USP28: variants seen among roughly 807,000 people sequenced by gnomAD.
USP28 encodes the protein ubiquitin specific peptidase 28.
In USP28, 113 loss-of-function variants were observed where a neutral mutation model predicts 145.0. The observed-to-expected ratio is 0.78, with a 90% CI of 0.67 to 0.91. The LOEUF (loss-of-function observed/expected upper bound fraction) is 0.91. Ranked by LOEUF, USP28 falls within the 40% of genes least tolerant of loss-of-function variation. The pLI, the probability that USP28 is intolerant of heterozygous loss-of-function variation, is 0.00. For synonymous variants in USP28, 447 were observed against 450.9 expected, an observed-to-expected ratio of 0.99 and a Z score of 0.11; for missense variants, 1,201 against 1,289.6, an observed-to-expected ratio of 0.93 and a Z score of 1.05.
At chr11:113,799,297 G>T in exon 25 of USP28, 1 of 1,614,092 alleles carries the variant, frequency 6.2e-7, no homozygotes, top group Non-Finnish European at 8.5e-7. Context: ...CTGCAAATCG[G>T]CTACATAGGT....
At chr11:113,874,697 C>T (rs1949196147) in intron 1 of USP28, 5 of 1,212,910 alleles carry the variant, frequency 4.1e-6, no homozygotes, top group Admixed American at 3.2e-5. Context: ...CTCAAATTGC[C>T]CTCTTCCCAA....
exon 5 of USP28, chr11:113,840,710 C>T (rs778616733): frequency 3.1e-6 from 5 of 1,614,080 alleles, no homozygotes; most frequent in East Asian, 2.2e-5. Context: ...GACTTCACAG[C>T]GTTTTCTCTT....
chr11:113,799,639 G>T (rs1009185218), intron 24 of USP28, among the ~76,000 whole-genome samples: 1 of 152,112 alleles, frequency 6.6e-6, no homozygotes, highest in Non-Finnish European at 1.5e-5. Context: ...TATTACGAAA[G>T]GGTCTTCTAA....
At chr11:113,843,470 G>A (rs1401957083) in intron 3 of USP28, among the ~76,000 whole-genome samples, 3 of 151,906 alleles carry the variant, frequency 2.0e-5, no homozygotes, top group Admixed American at 6.6e-5. Context: ...TTGGGAGTTC[G>A]AGATCAGCCT....
chr11:113,821,290 C>A, intron 12 of USP28: 1 of 223,986 alleles, frequency 4.5e-6, no homozygotes. Flanking sequence ...AGCACATCTC[C>A]GCTGTAGCTG....
At chr11:113,873,552 TA>T (rs1949032151) in intron 1 of USP28, among the ~76,000 whole-genome samples, 1 of 152,188 alleles carries the variant, frequency 6.6e-6, no homozygotes, top group Non-Finnish European at 1.5e-5. Context: ...TGCCACTGAT[TA>T]ATAGGCACAT....
At chr11:113,801,890 A>C (rs1294060627) in intron 23 of USP28, among the ~76,000 whole-genome samples, 5 of 152,236 alleles carry the variant, frequency 3.3e-5, no homozygotes, top group African/African-American at 1.2e-4. Context: ...GAAAGCTCCC[A>C]AAGTGATTCT....
At chr11:113,854,415 A>G (rs773026517) in intron 1 of USP28, 80 bp from the exon 2 acceptor site, 1 of 1,384,828 alleles carries the variant, frequency 7.2e-7, no homozygotes, top group Non-Finnish European at 1.0e-6. Flanking sequence ...AACTAAAAGC[A>G]TCTTGGATAA....
rs113588303 is a variant in USP28, at chr11:113,809,820, G to A, written c.1973-566C>T. Among the ~76,000 whole-genome samples the A allele has an allele frequency of 7.9e-3, 1,209 of 152,204 alleles. 18 individuals carry two copies. The highest frequency in any genetic ancestry group is 0.028 in the African/African-American group (1,168 of 41,536). ...GGCCAAGGCAGGCCAATCACTTGAG[G>A]TAGGAGTTCAAGACCAGCCTGGCCA... On this transcript the variant is annotated intron_variant, in intron 16 of 24. Transcript: ENST00000003302.
At chr11:113,827,343 T>C (rs1943494236) in exon 11 of USP28, 4 of 1,601,770 alleles carry the variant, frequency 2.5e-6, no homozygotes, top group Admixed American at 3.5e-5. Flanking sequence ...ACACTGGAGG[T>C]AGCTTTGTAA....
At chr11:113,815,330 C>T (rs1018816342) in exon 14 of USP28, 6 of 1,614,010 alleles carry the variant, frequency 3.7e-6, no homozygotes, top group Non-Finnish European at 5.1e-6. Flanking sequence ...AAAGAATCTT[C>T]AGGAGAAGAA....
chr11:113,860,995 G>C lies in USP28; in HGVS notation c.58-6660C>G, dbSNP rs1312625551. ...TAGATGGGCGAGGTGGCAGGCACCG[G>C]TAGTCCCAGCTACTCGGGAGGCTGA... On this transcript the variant is annotated intron_variant, in intron 1 of 24. Transcript: ENST00000003302. 2.0e-5 allele frequency among the ~76,000 whole-genome samples: 3 copies of C among 151,896 alleles called. No homozygotes were observed. In the East Asian group the frequency reaches 5.8e-4, roughly 29 times the overall value.
At chr11:113,861,420 TGTTTGA>T (rs1394153367) in intron 1 of USP28, among the ~76,000 whole-genome samples, 1 of 152,248 alleles carries the variant, frequency 6.6e-6, no homozygotes, top group African/African-American at 2.4e-5. Context: ...TGAAAATGCC[TGTTTGA>T]GTTTATTAAC....
Position 113,846,253 on chromosome 11 carries a change from T to C in USP28, c.269-4485A>G, listed in dbSNP as rs139233728. ...GATGGTGGTGACAGTTGCACAACAA[T>C]ATGAATTTATTTAATATTTCTGAAC... On this transcript the variant is annotated intron_variant, in intron 3 of 24. Coordinates refer to ENST00000003302, the Ensembl canonical transcript of USP28. Among the ~76,000 whole-genome samples, 432 of 152,306 alleles carry C rather than the reference T, an allele frequency of 2.8e-3. 3 individuals are homozygous for C. The highest frequency in any genetic ancestry group is 0.01 in the African/African-American group (418 of 41,572).
intron 12 of USP28, among the ~76,000 whole-genome samples, chr11:113,823,195 G>C (rs1942875540): frequency 6.6e-6 from 1 of 152,200 alleles, no homozygotes; most frequent in African/African-American, 2.4e-5. Context: ...AGTTAGCACT[G>C]CTCTAGGTAG....
At chr11:113,871,741 C>T (rs935298863) in intron 1 of USP28, among the ~76,000 whole-genome samples, 1 of 152,078 alleles carries the variant, frequency 6.6e-6, no homozygotes, top group Non-Finnish European at 1.5e-5. Flanking sequence ...TAGACATCAG[C>T]GAGCTCAGTC....
At chr11:113,826,140 G>A (rs553203300) in intron 11 of USP28, among the ~76,000 whole-genome samples, 1 of 151,766 alleles carries the variant, frequency 6.6e-6, no homozygotes, top group African/African-American at 2.4e-5. Flanking sequence ...AAAATTAGCT[G>A]GGTGTGGTGG....
chr11:113,812,124 CT>C (rs1199517512), intron 16 of USP28, 151 bp downstream of exon 16: 1 of 550,936 alleles, frequency 1.8e-6, no homozygotes. Context: ...CTTGTTTTTC[CT>C]TTTCATTTCC....
At chr11:113,840,326 C>T (rs1028178118) in intron 5 of USP28, among the ~76,000 whole-genome samples, 1 of 110,128 alleles carries the variant, frequency 9.1e-6, no homozygotes, top group Non-Finnish European at 2.3e-5. Flanking sequence ...ACAACTGATT[C>T]CTCCTTATTC....
Sources: allele counts gnomAD v4.1 joint callset (sites outside exome capture counted in the v4.1 genomes callset), GRCh38; gene constraint gnomAD v4.1.1; transcripts MANE v1.5; gene names NCBI Gene and HGNC (gene_info 2026-07-23, HGNC 2026-07-21).